TYW1: variants seen among roughly 807,000 people sequenced by gnomAD.
TYW1 encodes the protein tRNA-yW synthesizing protein 1 homolog.
TYW1 carries 46 observed loss-of-function variants against 96.2 expected under a neutral mutation model. That is an observed-to-expected ratio of 0.48 (90% CI 0.38 to 0.61). TYW1 has a LOEUF of 0.61. Ranked by LOEUF, TYW1 falls within the 20% of genes least tolerant of loss-of-function variation. The probability of loss-of-function intolerance (pLI) is 0.00; values close to 1 mark genes in which losing one functional copy is unlikely to be tolerated. For missense variants in TYW1, 684 were observed against 909.6 expected (o/e 0.75, Z 3.19); for synonymous variants, 274 against 323.0 (o/e 0.85, Z 1.63).
At position 67,015,006 on chromosome 7, in the gene TYW1, GT is replaced by G. The variant is rs56978841; in HGVS notation, c.570+458del. On this transcript the variant is annotated intron_variant, in intron 5 of 15. Coordinates refer to ENST00000359626, the MANE Select transcript of TYW1 (RefSeq NM_018264.4). ...TGAGCCACCGTGCCCGGCCTCTTCT[GT>G]TTTTTTTTTTTTGGAAACAGAGTCT... Among the ~76,000 whole-genome samples the G allele has an allele frequency of 5.4e-3, 728 of 134,398 alleles. 2 individuals are homozygous for G. The highest frequency in any genetic ancestry group is 0.018 in the African/African-American group (659 of 36,628). The allele number at this position is 134,398 out of a possible 152,430, so 88.2% of individuals were successfully genotyped here. A position where few individuals can be genotyped will look rare whatever the true frequency, so the allele number is the denominator to read the frequency against.
intron 13 of TYW1, among the ~76,000 whole-genome samples, chr7:67,131,697 A>G (rs2949153): frequency 6.6e-6 from 1 of 152,196 alleles, no homozygotes; most frequent in Non-Finnish European, 1.5e-5. Flanking sequence ...ACAATAGGTC[A>G]TCTGCAAGCT....
chr7:66,997,098 T>G, intron 1 of TYW1, 116 bp downstream of exon 1: 1 of 1,560,362 alleles, frequency 6.4e-7, no homozygotes, highest in South Asian at 1.2e-5. Context: ...ACTGTTGCAC[T>G]TGACAGCACC....
intron 7 of TYW1, among the ~76,000 whole-genome samples, chr7:67,031,849 C>T (rs994828198): frequency 1.9e-4 from 29 of 151,114 alleles, no homozygotes; most frequent in African/African-American, 6.6e-4. Context: ...CTACACCAAC[C>T]AACCAAATTT....
intron 10 of TYW1, among the ~76,000 whole-genome samples, chr7:67,076,314 C>T (rs1796201278): frequency 6.6e-6 from 1 of 152,154 alleles, no homozygotes; most frequent in South Asian, 2.1e-4. Flanking sequence ...TGTACCCTTT[C>T]TGCAGAAAGT....
At chr7:67,182,644 G>C (rs1306640113) in intron 13 of TYW1, among the ~76,000 whole-genome samples, 2 of 152,198 alleles carry the variant, frequency 1.3e-5, no homozygotes, top group Non-Finnish European at 2.9e-5. Flanking sequence ...ATCCATCCAT[G>C]TGCCTTTTCT....
chr7:67,056,356 G>T (rs1795516563), intron 9 of TYW1, among the ~76,000 whole-genome samples: 1 of 152,078 alleles, frequency 6.6e-6, no homozygotes, highest in African/African-American at 2.4e-5. Flanking sequence ...GTCAGGTGTG[G>T]TGGTGGGCGT....
intron 11 of TYW1, among the ~76,000 whole-genome samples, chr7:67,093,136 A>T (rs1356523741): frequency 6.6e-6 from 1 of 152,210 alleles, no homozygotes; most frequent in Non-Finnish European, 1.5e-5. Context: ...ACTGCACTCC[A>T]GCCTGGGTGA....
At chr7:67,092,553 T>G (rs1638930533) in intron 11 of TYW1, among the ~76,000 whole-genome samples, 1 of 152,082 alleles carries the variant, frequency 6.6e-6, no homozygotes, top group African/African-American at 2.4e-5. Flanking sequence ...TACACTCTCC[T>G]TTTCAGCAAG....
chr7:67,237,465 A>C (rs1161642124), intron 15 of TYW1, among the ~76,000 whole-genome samples: 1 of 146,226 alleles, frequency 6.8e-6, no homozygotes, highest in Non-Finnish European at 1.5e-5. Context: ...AGGCCACTAC[A>C]CTCCAGCCTG....
chr7:67,094,009 C>A (rs1796806380), intron 11 of TYW1, among the ~76,000 whole-genome samples: 1 of 152,200 alleles, frequency 6.6e-6, no homozygotes, highest in South Asian at 2.1e-4. Context: ...GTCCCATCCT[C>A]TTTTGGAGTC....
At chr7:67,068,898 G>T (rs1414710790) in intron 10 of TYW1, among the ~76,000 whole-genome samples, 1 of 152,110 alleles carries the variant, frequency 6.6e-6, no homozygotes, top group Non-Finnish European at 1.5e-5. Context: ...TAATGGCCCA[G>T]ACTGGACATT....
chr7:67,096,296 A>G (rs1796911857), intron 11 of TYW1, among the ~76,000 whole-genome samples: 1 of 152,220 alleles, frequency 6.6e-6, no homozygotes, highest in East Asian at 1.9e-4. Flanking sequence ...AGGCTGAGGC[A>G]GGAGAATGGC....
intron 13 of TYW1, among the ~76,000 whole-genome samples, chr7:67,178,370 TCAACA>T (rs1407615525): frequency 6.6e-6 from 1 of 152,206 alleles, no homozygotes; most frequent in African/African-American, 2.4e-5. Flanking sequence ...TCCAGTTACA[TCAACA>T]GCATGAATGA....
At position 67,239,448 on chromosome 7, in the gene TYW1, A is replaced by G; in HGVS notation, c.*919A>G. On this transcript the variant is annotated 3_prime_UTR_variant, in exon 16 of 16. Coordinates refer to ENST00000359626, the MANE Select transcript of TYW1 (RefSeq NM_018264.4). ...TCATAAATACTCAAAATTGTTTTCA[A>G]GTTAGCAAGTTCTTTTAACAGTCTT... 2.1e-6 allele frequency: 2 copies of G among 964,660 alleles called. No homozygotes were observed. Among genetic ancestry groups the G allele is most frequent in the Non-Finnish European group, 2.5e-6 (2 of 811,074 alleles). The allele number at this position is 964,660 out of a possible 1,614,324, so 59.8% of individuals were successfully genotyped here. A position where few individuals can be genotyped will look rare whatever the true frequency, so the allele number is the denominator to read the frequency against.
intron 13 of TYW1, among the ~76,000 whole-genome samples, chr7:67,165,731 C>G (rs887877465): frequency 2.0e-5 from 3 of 152,160 alleles, no homozygotes; most frequent in Admixed American, 2.0e-4. Flanking sequence ...TATTTGAGAC[C>G]AGCCTGGGCA....
chr7:67,170,613 A>T lies in TYW1; in HGVS notation c.1699-12513A>T, dbSNP rs146847586. Among the ~76,000 whole-genome samples the T allele has an allele frequency of 2.6e-3, 393 of 152,240 alleles. 2 individuals carry two copies. Among genetic ancestry groups the T allele is most frequent in the African/African-American group, 9.1e-3 (378 of 41,556 alleles). ...TATCACCTTTATCTAGTTCCTAAAC[A>T]TTTTTATTACCCCAACATAGAATCC... On this transcript the variant is annotated intron_variant, in intron 13 of 15. Transcript: ENST00000359626.
At chr7:67,166,779 C>T (rs1404845257) in intron 13 of TYW1, among the ~76,000 whole-genome samples, 2 of 152,076 alleles carry the variant, frequency 1.3e-5, no homozygotes, top group Non-Finnish European at 2.9e-5. Flanking sequence ...GGGATATTCA[C>T]ATTGCATCCT....
chr7:67,223,623 C>A (rs1466157332), intron 15 of TYW1, among the ~76,000 whole-genome samples: 1 of 150,210 alleles, frequency 6.7e-6, no homozygotes, highest in Non-Finnish European at 1.5e-5. Flanking sequence ...GGCTTGGCAC[C>A]CTGACTGGCT....
intron 3 of TYW1, among the ~76,000 whole-genome samples, chr7:67,008,787 C>A (rs748462877): frequency 1.3e-5 from 2 of 152,120 alleles, no homozygotes; most frequent in Non-Finnish European, 2.9e-5. Flanking sequence ...CTCAGCCTCC[C>A]GGGTAGCTGG....
Sources: allele counts gnomAD v4.1 joint callset (sites outside exome capture counted in the v4.1 genomes callset), GRCh38; gene constraint gnomAD v4.1.1; transcripts MANE v1.5; gene names NCBI Gene and HGNC (gene_info 2026-07-23, HGNC 2026-07-21).